LTF: variants seen among roughly 807,000 people sequenced by gnomAD.
LTF encodes the protein epididymis luminal protein 110.
LTF carries 91 observed loss-of-function variants against 87.2 expected under a neutral mutation model. The ratio of observed to expected loss-of-function variants is 1.04; its 90% CI spans 0.88 to 1.24. The LOEUF is 1.24. Among genes scored for constraint, LTF ranks in the 50% most tolerant of loss-of-function variants. LTF has a pLI of 0.00. For missense variants in LTF, 901 were observed against 904.3 expected (o/e 1.00, Z 0.05); for synonymous variants, 378 against 356.1 (o/e 1.06, Z -0.69).
intron 1 of LTF, among the ~76,000 whole-genome samples, chr3:46,476,136 T>C (rs978368909): frequency 4.6e-5 from 7 of 152,226 alleles, no homozygotes; most frequent in East Asian, 1.9e-4. Flanking sequence ...CTTGGGAGTT[T>C]CCACTAACAT....
chr3:46,444,400 T>C lies in LTF; in HGVS notation c.1514-818A>G, dbSNP rs1191682509. Among the ~76,000 whole-genome samples the C allele has an allele frequency of 4.6e-5, 7 of 152,354 alleles. No individual in the cohort carries two copies. The East Asian group carries it at 1.2e-3, about 25-fold the overall frequency. On this transcript the variant is annotated intron_variant, in intron 12 of 16. Transcript: ENST00000231751. ...TTCTGTTCCTTGCAGCTGAACCTGA[T>C]CTGAATTCGTTCATTGTGTGATTTA...
At chr3:46,470,605 A>C (rs1027546371) in intron 1 of LTF, 1 of 152,262 alleles carries the variant, frequency 6.6e-6, no homozygotes, top group East Asian at 1.9e-4. Context: ...AGAGATGCCC[A>C]GCTCCTCTGA....
chr3:46,462,523 C>G (rs955954575), intron 1 of LTF, among the ~76,000 whole-genome samples: 5 of 152,194 alleles, frequency 3.3e-5, no homozygotes, highest in Non-Finnish European at 5.9e-5. Flanking sequence ...CCTACTCTTA[C>G]CACTGGGCTA....
At chr3:46,444,664 T>C (rs1251382275) in intron 12 of LTF, among the ~76,000 whole-genome samples, 2 of 152,158 alleles carry the variant, frequency 1.3e-5, no homozygotes, top group African/African-American at 4.8e-5. Flanking sequence ...ACCCATGCAG[T>C]GGAGCCCCTG....
chr3:46,450,652 T>C lies in LTF; in HGVS notation c.725A>G (p.Glu242Gly). Residue 242 changes from glutamate (E) to glycine (G), a missense_variant, in exon 7 of 17, where the codon GAA (glutamate) becomes GGA (glycine). Transcript: ENST00000231751. Reference protein sequence around the residue: ...TVFEDLSDEAERDEYELLCPD... With the variant: ...TVFEDLSDEAGRDEYELLCPD... Reference sequence around the variant, plus strand: ...GCAGAGTAACTCATACTCGTCCCTTTCAGCCTCGTCTGACAGGTCCTCTGC... The same window carrying C: ...GCAGAGTAACTCATACTCGTCCCTTCCAGCCTCGTCTGACAGGTCCTCTGC... The C allele has an allele frequency of 6.2e-7, 1 of 1,612,290 alleles. No individual in the cohort carries two copies.
chr3:46,455,795 C>T lies in LTF; in HGVS notation c.499+1G>A, dbSNP rs1447118583. 2 of 1,559,200 alleles carry T rather than the reference C, an allele frequency of 1.3e-6. No individual in the cohort carries two copies. The highest frequency in any genetic ancestry group is 1.7e-6 in the Non-Finnish European group (2 of 1,153,246). On this transcript the variant is annotated splice_donor_variant, in intron 4 of 16. Transcript: ENST00000231751. LOFTEE classifies it high-confidence loss of function. ...CACTCACTATCCCCCAGCCATCTTA[C>T]CTGCCTCAATGGGCTCAGGTGGACC...
upstream of LTF, among the ~76,000 whole-genome samples, chr3:46,466,323 C>T (rs1703213126): frequency 6.6e-6 from 1 of 152,136 alleles, no homozygotes; most frequent in South Asian, 2.1e-4. Flanking sequence ...GAACACCTTT[C>T]TTGGCAGGTG....
At chr3:46,459,918 G>A (rs569288016) in intron 1 of LTF, 99 bp from the exon 2 acceptor site, 14 of 834,722 alleles carry the variant, frequency 1.7e-5, no homozygotes, top group Non-Finnish European at 1.8e-5. Flanking sequence ...CCTCTCTCTC[G>A]GCTGCCCTCC....
chr3:46,463,728 A>G (rs1278674890), intron 1 of LTF: 3 of 885,236 alleles, frequency 3.4e-6, no homozygotes, highest in African/African-American at 3.6e-5. Flanking sequence ...TGCCCCTCCC[A>G]GGTGGCCCTA....
In LTF at chr3:46,455,250, C is replaced by T. The variant is rs139736624; in HGVS notation, c.647+45G>A. 7.5e-3 allele frequency: 12,033 copies of T among 1,613,346 alleles called. 66 individuals are homozygous for T. The highest frequency in any genetic ancestry group is 0.013 in the Middle Eastern group (77 of 6,034). On this transcript the variant is annotated intron_variant, in intron 5 of 16. Transcript: ENST00000231751. The stretch of plus-strand genomic sequence containing the variant: ...GAGAAAAGGCCTCCCGGCCTGAGGC[C>T]AAGGGACACTTGGCCACTGACGAGA...
intron 1 of LTF, among the ~76,000 whole-genome samples, chr3:46,461,816 A>G (rs1490015352): frequency 6.6e-6 from 1 of 152,234 alleles, no homozygotes; most frequent in Non-Finnish European, 1.5e-5. Context: ...ACCAAAAACT[A>G]AAACAAAAAA....
intron 1 of LTF, among the ~76,000 whole-genome samples, chr3:46,478,381 AC>A (rs1703389046): frequency 6.6e-6 from 1 of 152,056 alleles, no homozygotes; most frequent in African/African-American, 2.4e-5. Context: ...CCATGTGGCC[AC>A]TCAGTCACTT....
chr3:46,455,660 G>A (rs1219996589), intron 4 of LTF, 136 bp downstream of exon 4: 4 of 1,143,974 alleles, frequency 3.5e-6, no homozygotes, highest in Non-Finnish European at 5.0e-6. Context: ...CTGCCAGCAG[G>A]ATGTTACAAG....
chr3:46,485,041 A>G (rs1703499477), exon 1 of LTF: 1 of 152,176 alleles, frequency 6.6e-6, no homozygotes, highest in African/African-American at 2.4e-5. Context: ...ATTCTGGATC[A>G]AGTCAGACCA....
chr3:46,484,508 C>T (rs1349351719), intron 1 of LTF, among the ~76,000 whole-genome samples: 2 of 152,164 alleles, frequency 1.3e-5, no homozygotes, highest in Admixed American at 6.5e-5. Context: ...CCTCACAACA[C>T]CCCTACCCTT....
At chr3:46,438,607 C>A in intron 15 of LTF, among the ~76,000 whole-genome samples, 1 of 152,192 alleles carries the variant, frequency 6.6e-6, no homozygotes, top group East Asian at 1.9e-4. Context: ...CTGTCCCAGG[C>A]TCCCATGTGG....
rs112789947 is a variant in LTF, at chr3:46,481,017, G to A, written c.-320+3969C>T. 5.8e-4 allele frequency among the ~76,000 whole-genome samples: 89 copies of A among 152,242 alleles called. 1 individual carries two copies. In the South Asian group the frequency reaches 8.7e-3, roughly 15 times the overall value. ...CTCCTCCACTGCTGATAGGCAGCAC[G>A]GCCCAGCCACACTCCTTGCCCACAG... On this transcript the variant is annotated intron_variant, in intron 1 of 19. Transcript: ENST00000443496.
At chr3:46,475,215 C>G (rs1703344850) in intron 1 of LTF, among the ~76,000 whole-genome samples, 1 of 152,136 alleles carries the variant, frequency 6.6e-6, no homozygotes, top group Non-Finnish European at 1.5e-5. Flanking sequence ...AAAAAACAAA[C>G]TATTGCAACT....
intron 1 of LTF, among the ~76,000 whole-genome samples, chr3:46,482,659 A>AGAAAGAAG (rs1553668626): frequency 2.3e-3 from 140 of 60,206 alleles, no homozygotes; most frequent in African/African-American, 3.9e-3. Flanking sequence ...AAAGAAAGAA[A>AGAAAGAAG]GAAGGAAGGA....
Sources: allele counts gnomAD v4.1 joint callset (sites outside exome capture counted in the v4.1 genomes callset), GRCh38; gene constraint gnomAD v4.1.1; transcripts MANE v1.5; gene names NCBI Gene and HGNC (gene_info 2026-07-23, HGNC 2026-07-21).